SLC19A2: variants seen among roughly 807,000 people sequenced by gnomAD.
SLC19A2 encodes thiamine transporter 1.
Under a neutral mutation model 44.7 loss-of-function variants are expected in SLC19A2, and 27 were observed. The observed-to-expected ratio is 0.60, with a 90% confidence interval of 0.45 to 0.83. SLC19A2 has a LOEUF of 0.83. Among genes scored for constraint, SLC19A2 ranks in the 40% least tolerant of loss-of-function variants. The pLI is 0.00. For synonymous variants in SLC19A2, 239 were observed against 243.6 expected (o/e 0.98, Z 0.18); for missense variants, 566 against 613.7 (o/e 0.92, Z 0.82).
In SLC19A2 at chr1:169,485,707, C is replaced by G; in HGVS notation, c.60G>C (p.Leu20=). 1 of 1,543,252 alleles carries G rather than the reference C, an allele frequency of 6.5e-7. No homozygotes were observed. Among genetic ancestry groups the G allele is most frequent in the Non-Finnish European group, 8.7e-7 (1 of 1,146,082 alleles). The change falls in exon 1 of 6, where the codon CTG becomes CTC. Residue 20 remains leucine, a synonymous_variant. Coordinates refer to ENST00000236137, the MANE Select transcript of SLC19A2 (RefSeq NM_006996.3). ...ATTCGCGACGGACCCGAGCGGTCCG[C>G]AGGAGCACAGTGGCCGCCGCCGCCG... is the stretch of plus-strand genomic sequence containing the variant. ...RAAAAAATVL[L]RTARVRRECW...
At position 169,468,113 on chromosome 1, in the gene SLC19A2, G is replaced by T; in HGVS notation, c.1363C>A (p.Gln455Lys). ...CGATGCCAAAGGAGAGATCTTACCTGAGTGGTAATTTCTAATCCAAGGCCA... is the reference window on the plus strand; with the variant it reads ...CGATGCCAAAGGAGAGATCTTACCTTAGTGGTAATTTCTAATCCAAGGCCA... ...ASGLGLEITT[Q>K]FLIYASYFAL... is the part of the protein sequence containing the mutation. The change falls in exon 5 of 6, where the codon CAG (glutamine) becomes AAG (lysine). Residue 455 changes from glutamine to lysine, a missense_variant and splice_region_variant. Gln to Lys is a moderately conservative substitution (Grantham distance 53). Coordinates refer to ENST00000236137, the MANE Select transcript of SLC19A2 (RefSeq NM_006996.3). 6.2e-7 allele frequency: 1 copy of T among 1,613,886 alleles called. No homozygotes were observed. Among genetic ancestry groups the T allele is most frequent in the Non-Finnish European group, 8.5e-7 (1 of 1,179,792 alleles).
intron 1 of SLC19A2, 123 bp downstream of exon 1, chr1:169,485,440 C>T (rs1402030840): frequency 3.5e-6 from 4 of 1,128,894 alleles, no homozygotes; most frequent in Non-Finnish European, 5.2e-6. Flanking sequence ...CGACCTCCAA[C>T]TGGCAAAATC....
chr1:169,469,880 G>T, intron 3 of SLC19A2, 84 bp downstream of exon 3: 1 of 1,249,186 alleles, frequency 8.0e-7, no homozygotes, highest in Non-Finnish European at 1.2e-6. Flanking sequence ...ATTTGGGAGG[G>T]GTGAATAAAT....
At chr1:169,472,052 A>G (rs1658198645) in intron 2 of SLC19A2, among the ~76,000 whole-genome samples, 1 of 152,198 alleles carries the variant, frequency 6.6e-6, no homozygotes, top group South Asian at 2.1e-4. Flanking sequence ...TACTTGATGA[A>G]TTTGCATAAG....
chr1:169,485,946 G>T (rs901025841), upstream of SLC19A2: 2 of 726,862 alleles, frequency 2.8e-6, no homozygotes, highest in Non-Finnish European at 4.4e-6. Flanking sequence ...GACGCCTCTA[G>T]GGTCGCTGCC....
At chr1:169,470,352 T>C (rs1437121057) in intron 2 of SLC19A2, among the ~76,000 whole-genome samples, 166 bp from the exon 3 acceptor site, 1 of 152,188 alleles carries the variant, frequency 6.6e-6, no homozygotes, top group Non-Finnish European at 1.5e-5. Flanking sequence ...GCGAAAAATA[T>C]GTTCTCATAG....
At chr1:169,468,572 G>T in intron 4 of SLC19A2, 72 bp downstream of exon 4, 2 of 1,233,278 alleles carry the variant, frequency 1.6e-6, no homozygotes, top group Middle Eastern at 1.9e-4. Flanking sequence ...TGAATATTTT[G>T]GTTTGTAAAG....
chr1:169,485,851 G>T lies in SLC19A2; in HGVS notation c.-85C>A. ...GAGTGAGGGTCAGGCACTTGTAACC[G>T]CGAGTGACGCCTTCTCCCTGTAAGG... On this transcript the variant is annotated 5_prime_UTR_variant, in exon 1 of 6. Transcript: ENST00000236137. 1 of 1,386,536 alleles carries T rather than the reference G, an allele frequency of 7.2e-7. No individual in the cohort carries two copies. Among genetic ancestry groups the T allele is most frequent in the Non-Finnish European group, 9.6e-7 (1 of 1,043,258 alleles). 85.9% of individuals were successfully genotyped at this position (1,386,536 alleles called of 1,614,324 possible).
Position 169,468,105 on chromosome 1 carries a change from T to C in SLC19A2, c.1365+6A>G. The C allele has an allele frequency of 6.2e-7, 1 of 1,613,924 alleles. No individual in the cohort carries two copies. The highest frequency in any genetic ancestry group is 8.5e-7 in the Non-Finnish European group (1 of 1,179,802). ...ACTACCTTCGATGCCAAAGGAGAGATCTTACCTGAGTGGTAATTTCTAATC... is the reference window on the plus strand; with the variant it reads ...ACTACCTTCGATGCCAAAGGAGAGACCTTACCTGAGTGGTAATTTCTAATC... On this transcript the variant is annotated splice_donor_region_variant and intron_variant, in intron 5 of 5. Transcript: ENST00000236137.
chr1:169,480,823 C>T (rs780702365), intron 1 of SLC19A2, among the ~76,000 whole-genome samples: 5 of 152,142 alleles, frequency 3.3e-5, no homozygotes, highest in Non-Finnish European at 5.9e-5. Flanking sequence ...AACTTTTAAC[C>T]ATAGTTGTCC....
intron 1 of SLC19A2, among the ~76,000 whole-genome samples, chr1:169,484,970 A>AG (rs142965128): frequency 0.063 from 9,620 of 152,294 alleles, 371 homozygotes; most frequent in South Asian, 0.1. Flanking sequence ...TAAGGTAGAG[A>AG]GGGGCAGGAT....
chr1:169,476,146 A>T (rs866101047), intron 2 of SLC19A2, among the ~76,000 whole-genome samples: 266 of 135,286 alleles, frequency 2.0e-3, no homozygotes, highest in Non-Finnish European at 3.1e-3. Flanking sequence ...TGAATATTTA[A>T]AAAAAAAAAA....
At chr1:169,482,447 A>G (rs1235635904) in intron 1 of SLC19A2, among the ~76,000 whole-genome samples, 2 of 151,914 alleles carry the variant, frequency 1.3e-5, no homozygotes, top group African/African-American at 2.4e-5. Flanking sequence ...AAACTGAGGC[A>G]TGAGAATCGC....
At chr1:169,479,940 C>T (rs1393861430) in intron 1 of SLC19A2, among the ~76,000 whole-genome samples, 2 of 152,120 alleles carry the variant, frequency 1.3e-5, no homozygotes, top group Non-Finnish European at 2.9e-5. Flanking sequence ...CAGTGCAGAG[C>T]ATAGCTATAA....
At chr1:169,483,197 T>C (rs1382007177) in intron 1 of SLC19A2, among the ~76,000 whole-genome samples, 1 of 152,212 alleles carries the variant, frequency 6.6e-6, no homozygotes, top group African/African-American at 2.4e-5. Context: ...TAGTTAACAA[T>C]AGCTCTATTC....
At chr1:169,478,523 A>ATTTTTTTTTTTTTTTTT (rs35141285) in intron 1 of SLC19A2, among the ~76,000 whole-genome samples, 1 of 66,608 alleles carries the variant, frequency 1.5e-5, no homozygotes, top group African/African-American at 6.5e-5. Context: ...CAACCAGCTA[A>ATTTTTTTTTTTTTTTTT]TTTTTTTTTT....
At position 169,477,377 on chromosome 1, in the gene SLC19A2, A is replaced by T; in HGVS notation, c.585T>A (p.Leu195=). Reference sequence around the variant, plus strand: ...CAGCAAAAGCCACTGAAACACAGGTAAGAGAGATGACATTCAGGCTGAACA... The same window carrying T: ...CAGCAAAAGCCACTGAAACACAGGTTAGAGAGATGACATTCAGGCTGAACA... ...WSLFSLNVIS[L]TCVSVAFAVA... Residue 195 remains leucine (L), a synonymous_variant, in exon 2 of 6, where the codon CTT becomes CTA. Transcript: ENST00000236137. 2 of 1,614,204 alleles carry T rather than the reference A, an allele frequency of 1.2e-6. No individual in the cohort carries two copies. Among genetic ancestry groups the T allele is most frequent in the Non-Finnish European group, 1.7e-6 (2 of 1,180,046 alleles).
At position 169,477,937 on chromosome 1, in the gene SLC19A2, T is replaced by C. The variant is rs552702849; in HGVS notation, c.205-180A>G. Among the ~76,000 whole-genome samples the C allele has an allele frequency of 2.0e-5, 3 of 152,338 alleles. No homozygotes were observed. In the East Asian group the frequency reaches 5.8e-4, roughly 29 times the overall value. The stretch of plus-strand genomic sequence containing the variant: ...TCTCTTTTTTGTTTGAGATGGAGTC[T>C]TGTTCTGCGCCCAGGCTGGAGTGCA... On this transcript the variant is annotated intron_variant, in intron 1 of 5. Coordinates refer to ENST00000236137, the MANE Select transcript of SLC19A2 (RefSeq NM_006996.3).
intron 1 of SLC19A2, among the ~76,000 whole-genome samples, chr1:169,485,026 G>A (rs1454002028): frequency 6.6e-6 from 1 of 152,172 alleles, no homozygotes; most frequent in Non-Finnish European, 1.5e-5. Context: ...GACAAATTAA[G>A]ATGTTCTGTA....
Sources: gnomAD v4.1 joint callset for allele counts (sites outside exome capture counted in the v4.1 genomes callset) on GRCh38, gnomAD v4.1.1 for gene constraint, MANE v1.5 for transcripts, NCBI Gene and HGNC (gene_info 2026-07-23, HGNC 2026-07-21) for gene names.